Variants in IQGAP1 observed in about 807,000 individuals in gnomAD.
IQGAP1 encodes ras GTPase-activating-like protein IQGAP1.
Under a neutral mutation model 215.6 loss-of-function variants are expected in IQGAP1, and 66 were observed. The ratio of observed to expected loss-of-function variants is 0.31; its 90% CI spans 0.25 to 0.38. The LOEUF (loss-of-function observed/expected upper bound fraction) is 0.38. Among genes scored for constraint, IQGAP1 ranks in the 10% least tolerant of loss-of-function variants. The probability of loss-of-function intolerance (pLI) is 1.00; values close to 1 mark genes in which losing one functional copy is unlikely to be tolerated. For missense variants in IQGAP1, 1,712 were observed against 1,997.1 expected (o/e 0.86, Z 2.72); for synonymous variants, 772 against 728.7 (o/e 1.06, Z -0.96).
intron 17 of IQGAP1, 103 bp from the exon 18 acceptor site, chr15:90,467,347 C>T: frequency 8.4e-7 from 1 of 1,192,870 alleles, no homozygotes; most frequent in Admixed American, 2.6e-5. Flanking sequence ...TTGGAGTGGT[C>T]TTCATTTAGA....
intron 2 of IQGAP1, among the ~76,000 whole-genome samples, chr15:90,399,231 G>T (rs1243024471): frequency 6.6e-6 from 1 of 151,958 alleles, no homozygotes; most frequent in African/African-American, 2.4e-5. Context: ...GGATACAGGC[G>T]TGAGCAGCCA....
intron 9 of IQGAP1, among the ~76,000 whole-genome samples, chr15:90,445,847 GTT>G (rs11320197): frequency 0.025 from 3,476 of 140,704 alleles, 92 homozygotes; most frequent in East Asian, 0.094. Context: ...TTTTTTTTGG[GTT>G]TTTTTTTTTT....
intron 10 of IQGAP1, 117 bp from the exon 11 acceptor site, chr15:90,449,442 G>T (rs1965570340): frequency 2.5e-6 from 2 of 812,620 alleles, no homozygotes; most frequent in Admixed American, 2.9e-5. Context: ...AGCCTGAGCT[G>T]TCACTTATGA....
intron 2 of IQGAP1, among the ~76,000 whole-genome samples, chr15:90,410,950 A>G (rs1038197642): frequency 3.9e-5 from 6 of 151,948 alleles, no homozygotes; most frequent in Admixed American, 1.3e-4. Context: ...GCTATGTCCC[A>G]TGGAAATTTT....
chr15:90,407,122 T>C (rs1964890349), intron 2 of IQGAP1, among the ~76,000 whole-genome samples: 1 of 152,198 alleles, frequency 6.6e-6, no homozygotes, highest in South Asian at 2.1e-4. Context: ...AGAATCCTTT[T>C]CAACGTAGAA....
At chr15:90,485,036 T>C (rs1966107733) in intron 30 of IQGAP1, among the ~76,000 whole-genome samples, 1 of 152,230 alleles carries the variant, frequency 6.6e-6, no homozygotes, top group African/African-American at 2.4e-5. Context: ...TCTAACATGA[T>C]CTAGAATACT....
At chr15:90,425,490 ATTC>A (rs1965209121) in intron 2 of IQGAP1, among the ~76,000 whole-genome samples, 1 of 152,004 alleles carries the variant, frequency 6.6e-6, no homozygotes, top group Non-Finnish European at 1.5e-5. Context: ...TCTTTGTTTT[ATTC>A]TTTTTCTTTT....
chr15:90,429,496 C>A, intron 3 of IQGAP1, 93 bp from the exon 4 acceptor site: 4 of 949,260 alleles, frequency 4.2e-6, no homozygotes, highest in South Asian at 1.8e-5. Context: ...GAAAATTTGT[C>A]AAATCTCTTG....
chr15:90,456,204 A>G lies in IQGAP1; in HGVS notation c.1665A>G (p.Gln555=). The change falls in exon 15 of 38, where the codon CAA becomes CAG. Residue 555 remains glutamine (Q), a synonymous_variant. Coordinates refer to ENST00000268182, the MANE Select transcript of IQGAP1 (RefSeq NM_003870.4). ...INEALDEGDA[Q]KTLQALQIPA... The stretch of plus-strand genomic sequence containing the variant: ...AAGCCCTGGATGAAGGTGATGCCCA[A>G]AAGACTCTGCAGGCCCTACAGATTC... 6.2e-7 allele frequency: 1 copy of G among 1,614,142 alleles called. No homozygotes were observed. Among genetic ancestry groups the G allele is most frequent in the African/African-American group, 1.3e-5 (1 of 75,030 alleles).
At chr15:90,450,831 CTGT>C (rs1264877223) in intron 11 of IQGAP1, among the ~76,000 whole-genome samples, 3 of 114,884 alleles carry the variant, frequency 2.6e-5, no homozygotes. Flanking sequence ...TTTTTTTTGG[CTGT>C]TGTTTGAATT....
chr15:90,416,072 A>G (rs1965042762), intron 2 of IQGAP1, among the ~76,000 whole-genome samples: 1 of 152,000 alleles, frequency 6.6e-6, no homozygotes, highest in Admixed American at 6.6e-5. Flanking sequence ...CACAACGTGC[A>G]GGTTTGTTAC....
At chr15:90,454,576 C>G in intron 14 of IQGAP1, 24 bp downstream of exon 14, 1 of 1,512,518 alleles carries the variant, frequency 6.6e-7, no homozygotes, top group African/African-American at 1.4e-5. Context: ...CTGTCCTCCC[C>G]AAATAATGTC....
At position 90,473,924 on chromosome 15, in the gene IQGAP1, C is replaced by T. The variant is rs747453765; in HGVS notation, c.2462C>T (p.Ala821Val). Reference protein sequence around the residue: ...KIQSLARMHQARKRYRDRLQY... With the variant: ...KIQSLARMHQVRKRYRDRLQY... ...CAGTCCCTGGCAAGGATGCACCAAG[C>T]TCGAAAGCGCTATCGAGATCGCCTG... is the stretch of plus-strand genomic sequence containing the variant. The change falls in exon 21 of 38, where the codon GCT (alanine) becomes GTT (valine). Residue 821 changes from alanine (A) to valine (V), a missense_variant. By Grantham distance (64) the Ala-to-Val change is moderately conservative. Transcript: ENST00000268182. 1 of 1,614,032 alleles carries T rather than the reference C, an allele frequency of 6.2e-7. No homozygotes were observed. Among genetic ancestry groups the T allele is most frequent in the South Asian group, 1.1e-5 (1 of 91,068 alleles).
chr15:90,456,354 C>T lies in IQGAP1; in HGVS notation c.1776+39C>T, dbSNP rs777872090. 3 of 1,600,830 alleles carry T rather than the reference C, an allele frequency of 1.9e-6. No individual in the cohort carries two copies. In the African/African-American group the frequency reaches 4.0e-5, roughly 21 times the overall value. On this transcript the variant is annotated intron_variant, in intron 15 of 37. Coordinates refer to ENST00000268182, the MANE Select transcript of IQGAP1 (RefSeq NM_003870.4). ...GAATTGTTCTTTATGTTCAGAGCACCTCAGCCCTCCTAGAACAAAGGTAGA... is the reference window on the plus strand; with the variant it reads ...GAATTGTTCTTTATGTTCAGAGCACTTCAGCCCTCCTAGAACAAAGGTAGA...
chr15:90,412,844 G>C (rs1466488131), intron 2 of IQGAP1, among the ~76,000 whole-genome samples: 1 of 152,212 alleles, frequency 6.6e-6, no homozygotes, highest in Non-Finnish European at 1.5e-5. Context: ...TGGAGGAACT[G>C]AATCTCAGTG....
rs771179860 is a variant in IQGAP1, at chr15:90,500,098, A to G, written c.4964A>G (p.Tyr1655Cys). ...LLIFLLNKKF[Y>C]GK is the part of the protein sequence containing the mutation. ...ATCTTCCTTCTCAACAAAAAGTTCT[A>G]CGGGAAGTAATTGATCGTTTGCTGC... is the stretch of plus-strand genomic sequence containing the variant. The change falls in exon 38 of 38, where the codon TAC becomes TGC. Residue 1655 changes from tyrosine (Y) to cysteine (C), a missense_variant. Tyr to Cys is a radical substitution (Grantham distance 194). This residue lies in a region of IQGAP1 where 691 missense variants were observed against 923.0 expected (regional missense o/e 0.75). Transcript: ENST00000268182. 2 of 1,588,112 alleles carry G rather than the reference A, an allele frequency of 1.3e-6. No individual in the cohort carries two copies. The highest frequency in any genetic ancestry group is 1.7e-6 in the Non-Finnish European group (2 of 1,156,402).
chr15:90,414,148 T>TC, intron 2 of IQGAP1, among the ~76,000 whole-genome samples: 1 of 152,026 alleles, frequency 6.6e-6, no homozygotes, highest in African/African-American at 2.4e-5. Context: ...CCTCTTCCTT[T>TC]CTTACACTTC....
chr15:90,405,844 C>CT (rs752870002), intron 2 of IQGAP1, among the ~76,000 whole-genome samples: 4 of 149,210 alleles, frequency 2.7e-5, no homozygotes, highest in South Asian at 2.1e-4. Flanking sequence ...TTTTTGGACT[C>CT]TAAGACTTTC....
chr15:90,452,680 C>T, intron 11 of IQGAP1, 95 bp from the exon 12 acceptor site: 1 of 1,388,182 alleles, frequency 7.2e-7, no homozygotes, highest in South Asian at 1.3e-5. Flanking sequence ...GGCTGATAGC[C>T]ACAGAATGTG....
Sources: allele counts gnomAD v4.1 joint callset (sites outside exome capture counted in the v4.1 genomes callset), GRCh38; gene constraint gnomAD v4.1.1; regional missense constraint gnomAD v4.1.1; transcripts MANE v1.5; gene names NCBI Gene and HGNC (gene_info 2026-07-23, HGNC 2026-07-21).